Variants in VRK2 observed in about 807,000 individuals in gnomAD.
The protein encoded by VRK2 is VRK serine/threonine kinase 2, also known as serine/threonine-protein kinase VRK2.
VRK2 carries 60 observed loss-of-function variants against 57.6 expected under a neutral mutation model. That is an observed-to-expected ratio of 1.04 (90% CI 0.85 to 1.29). VRK2 has a LOEUF of 1.29. VRK2 is among the 50% of genes most tolerant of loss of function. The pLI, the probability that VRK2 is intolerant of heterozygous loss-of-function variation, is 0.00. For synonymous variants in VRK2, 231 were observed against 199.2 expected, an observed-to-expected ratio of 1.16 and a Z score of -1.35; for missense variants, 705 against 588.1, an observed-to-expected ratio of 1.20 and a Z score of -2.06.
At chr2:58,046,919 A>C (rs1324582385) in intron 1 of VRK2, 51 bp downstream of exon 1, 26 of 985,324 alleles carry the variant, frequency 2.6e-5, no homozygotes, top group Non-Finnish European at 2.9e-5. Flanking sequence ...CTCCGCTTGC[A>C]GTGCCGGAGC....
chr2:57,981,628 G>A (rs963091231), intron 1 of VRK2, among the ~76,000 whole-genome samples: 2 of 152,144 alleles, frequency 1.3e-5, no homozygotes, highest in Non-Finnish European at 2.9e-5. Flanking sequence ...TCTAAAATAC[G>A]TTTTCCACAT....
At chr2:57,916,444 A>G (rs578214076) in intron 1 of VRK2, among the ~76,000 whole-genome samples, 19 of 150,972 alleles carry the variant, frequency 1.3e-4, no homozygotes, top group African/African-American at 3.9e-4. Context: ...CTAAAGAACC[A>G]TAGTCAACTA....
At chr2:58,006,736 G>C (rs1673257402) in intron 1 of VRK2, among the ~76,000 whole-genome samples, 1 of 152,112 alleles carries the variant, frequency 6.6e-6, no homozygotes, top group Non-Finnish European at 1.5e-5. Context: ...AGAAGAGCTG[G>C]CCTTGAACTG....
intron 1 of VRK2, among the ~76,000 whole-genome samples, chr2:57,960,854 C>G (rs1485044440): frequency 1.3e-5 from 2 of 152,202 alleles, no homozygotes; most frequent in Non-Finnish European, 2.9e-5. Context: ...ACAAACATAA[C>G]AGATGGGAAG....
At chr2:58,124,232 C>T (rs923415153) in intron 8 of VRK2, among the ~76,000 whole-genome samples, 5 of 152,064 alleles carry the variant, frequency 3.3e-5, no homozygotes, top group East Asian at 3.9e-4. Flanking sequence ...ATCCAATAGC[C>T]GACCCAGAAA....
intron 1 of VRK2, among the ~76,000 whole-genome samples, chr2:58,000,896 G>A (rs78174779): frequency 0.029 from 4,456 of 152,288 alleles, 94 homozygotes; most frequent in Non-Finnish European, 0.046. Flanking sequence ...CTTCTGTGAT[G>A]ACTCTGTACA....
intron 1 of VRK2, among the ~76,000 whole-genome samples, chr2:57,916,409 GAAAAA>G (rs34988462): frequency 7.6e-6 from 1 of 131,722 alleles, no homozygotes; most frequent in Non-Finnish European, 1.6e-5. Flanking sequence ...TCGTCTCAGA[GAAAAA>G]AAAAAAAAAA....
chr2:58,047,005 C>G (rs1352858971), intron 1 of VRK2, 137 bp downstream of exon 1: 1 of 979,216 alleles, frequency 1.0e-6, no homozygotes, highest in Admixed American at 6.1e-5. Flanking sequence ...CCCCGGGCCT[C>G]AGCTCCGGCC....
At chr2:58,097,791 G>A (rs1673367486) in intron 7 of VRK2, among the ~76,000 whole-genome samples, 2 of 152,036 alleles carry the variant, frequency 1.3e-5, no homozygotes, top group East Asian at 1.9e-4. Flanking sequence ...TAACAATTAT[G>A]TACACTATAT....
chr2:58,130,860 A>G (rs1679091589), intron 8 of VRK2, among the ~76,000 whole-genome samples: 1 of 152,080 alleles, frequency 6.6e-6, no homozygotes, highest in African/African-American at 2.4e-5. Flanking sequence ...TTTTACGGGT[A>G]TTTGCTGATG....
chr2:58,139,325 A>G (rs1383386569), intron 10 of VRK2, among the ~76,000 whole-genome samples: 1 of 152,140 alleles, frequency 6.6e-6, no homozygotes, highest in Non-Finnish European at 1.5e-5. Context: ...AAGTATGGTC[A>G]GTTGTATTAT....
intron 1 of VRK2, among the ~76,000 whole-genome samples, chr2:57,988,036 A>G (rs1306091400): frequency 6.6e-6 from 1 of 152,132 alleles, no homozygotes; most frequent in African/African-American, 2.4e-5. Context: ...TGGCATGGGA[A>G]ATTTGTGGGA....
chr2:58,062,155 G>A (rs543305339), intron 2 of VRK2, among the ~76,000 whole-genome samples: 7 of 151,862 alleles, frequency 4.6e-5, no homozygotes, highest in South Asian at 2.1e-4. Flanking sequence ...TATCTGTTAC[G>A]GTGATCTGTG....
chr2:57,948,331 C>T (rs1671323306), intron 1 of VRK2, among the ~76,000 whole-genome samples: 1 of 152,150 alleles, frequency 6.6e-6, no homozygotes, highest in African/African-American at 2.4e-5. Context: ...TTGACCACAT[C>T]AGTGTCTACT....
chr2:57,914,249 CTT>C (rs11306282), intron 1 of VRK2, among the ~76,000 whole-genome samples: 50 of 142,388 alleles, frequency 3.5e-4, no homozygotes, highest in Non-Finnish European at 4.0e-4. Flanking sequence ...CTTAACCTTA[CTT>C]TTTTTTTTTT....
chr2:57,915,267 C>G (rs972789669), intron 1 of VRK2, among the ~76,000 whole-genome samples: 1 of 152,076 alleles, frequency 6.6e-6, no homozygotes, highest in Non-Finnish European at 1.5e-5. Flanking sequence ...TAGTGAACTA[C>G]ACATGATTCT....
chr2:57,975,409 C>T (rs1390851624), intron 1 of VRK2, among the ~76,000 whole-genome samples: 1 of 152,050 alleles, frequency 6.6e-6, no homozygotes, highest in African/African-American at 2.4e-5. Flanking sequence ...TAACAAATTA[C>T]CACAAACTTT....
intron 12 of VRK2, among the ~76,000 whole-genome samples, chr2:58,157,575 T>C (rs1359811441): frequency 6.6e-6 from 1 of 152,154 alleles, no homozygotes; most frequent in Non-Finnish European, 1.5e-5. Flanking sequence ...CCTTTGCTAC[T>C]CAAAGTGGGG....
Position 58,035,792 on chromosome 2 carries a change from A to C in VRK2, c.-6+2239A>C, listed in dbSNP as rs1674256056. Among the ~76,000 whole-genome samples the C allele has an allele frequency of 2.6e-5, 4 of 152,074 alleles. No individual in the cohort carries two copies. In the South Asian group the frequency reaches 8.3e-4, roughly 31 times the overall value. On this transcript the variant is annotated intron_variant, in intron 3 of 15. Coordinates refer to the VRK2 transcript ENST00000417641. Reference sequence around the variant, plus strand: ...TCATTCTATTTTATAAGTGAATTGAAGTGGCATCAGATGAGACCCAACCAC... The same window carrying C: ...TCATTCTATTTTATAAGTGAATTGACGTGGCATCAGATGAGACCCAACCAC...
Sources: gnomAD v4.1 joint callset for allele counts (sites outside exome capture counted in the v4.1 genomes callset) on GRCh38, gnomAD v4.1.1 for gene constraint, MANE v1.5 for transcripts, NCBI Gene and HGNC (gene_info 2026-07-23, HGNC 2026-07-21) for gene names.